Variants in BRWD1 observed in about 807,000 individuals in gnomAD.
BRWD1 encodes bromodomain and WD repeat domain containing 1, also known as bromodomain and WD repeat-containing protein 1.
A neutral mutation model predicts 251.2 loss-of-function variants in BRWD1; 82 were observed. That is an observed-to-expected ratio of 0.33 (90% confidence interval 0.27 to 0.39). The LOEUF (loss-of-function observed/expected upper bound fraction) is 0.39, where lower values mean the gene tolerates loss of function less well. Among genes scored for constraint, BRWD1 ranks in the 10% least tolerant of loss-of-function variants. The probability of loss-of-function intolerance (pLI) is 1.00; values close to 1 mark genes in which losing one functional copy is unlikely to be tolerated. For missense variants in BRWD1, 2,233 were observed against 2,711.6 expected, an observed-to-expected ratio of 0.82 and a Z score of 3.92; for synonymous variants, 918 against 902.8, an observed-to-expected ratio of 1.02 and a Z score of -0.30.
rs1489178363 is a variant in BRWD1 at position 39,296,091 on chromosome 21, A to T, written c.448+174T>A. 3.9e-5 allele frequency among the ~76,000 whole-genome samples: 6 copies of T among 152,150 alleles called. No individual in the cohort carries two copies. The East Asian group carries it at 1.2e-3, about 29-fold the overall frequency. On this transcript the variant is annotated intron_variant, in intron 6 of 40. Coordinates refer to ENST00000342449, the MANE Select transcript of BRWD1 (RefSeq NM_033656.4). The stretch of plus-strand genomic sequence containing the variant: ...ACTTCTTACTATAAAAAGATTTTTT[A>T]TTAATTTTATTTTTAGTAATTATTT...
intron 23 of BRWD1, among the ~76,000 whole-genome samples, chr21:39,233,880 C>T (rs1027514225): frequency 2.6e-5 from 4 of 152,090 alleles, no homozygotes; most frequent in East Asian, 1.9e-4. Context: ...ACTAACCGAG[C>T]GTGGTGGTGT....
At chr21:39,288,424 TCCC>T (rs923857187) in intron 8 of BRWD1, among the ~76,000 whole-genome samples, 27 of 152,188 alleles carry the variant, frequency 1.8e-4, no homozygotes, top group Non-Finnish European at 3.5e-4. Flanking sequence ...AAAGAGTACC[TCCC>T]CCAAGTTTTA....
chr21:39,315,423 A>G (rs557175855), upstream of BRWD1, among the ~76,000 whole-genome samples: 36 of 152,030 alleles, frequency 2.4e-4, no homozygotes, highest in Non-Finnish European at 4.4e-4. Context: ...TCACGAGGTC[A>G]GGAAATCAAG....
At chr21:39,286,475 AC>A (rs1383997610) in intron 8 of BRWD1, among the ~76,000 whole-genome samples, 1 of 152,128 alleles carries the variant, frequency 6.6e-6, no homozygotes, top group African/African-American at 2.4e-5. Flanking sequence ...TAAGTAGGCA[AC>A]CAAACTTCTG....
chr21:39,318,238 G>A (rs988664040), upstream of BRWD1, among the ~76,000 whole-genome samples: 4 of 152,108 alleles, frequency 2.6e-5, no homozygotes, highest in African/African-American at 9.7e-5. Context: ...AAGAAGTCTG[G>A]TTCCAACAAT....
chr21:39,193,490 A>C lies in BRWD1; in HGVS notation c.*2769T>G. 3 of 985,268 alleles carry C rather than the reference A, an allele frequency of 3.0e-6. No individual in the cohort carries two copies. The highest frequency in any genetic ancestry group is 3.6e-6 in the Non-Finnish European group (3 of 829,690). The allele number at this position is 985,268 out of a possible 1,614,324, so 61.0% of individuals were successfully genotyped here. ...ATGTTTGAAATCATTTTTCCTTTAT[A>C]TGCTTGGTAAAGTGAGTCTTTCCAA... is the stretch of plus-strand genomic sequence containing the variant. On this transcript the variant is annotated 3_prime_UTR_variant, in exon 41 of 41. Coordinates refer to ENST00000342449, the MANE Select transcript of BRWD1 (RefSeq NM_033656.4).
chr21:39,309,779 CG>C (rs2036411894), intron 4 of BRWD1, among the ~76,000 whole-genome samples: 1 of 144,842 alleles, frequency 6.9e-6, no homozygotes, highest in Non-Finnish European at 1.5e-5. Flanking sequence ...GAGCCGAGAT[CG>C]CACCGCTGCA....
In BRWD1 at chr21:39,279,652, AAAAAG is replaced by A. The variant is rs1230682487; in HGVS notation, c.932+491_932+495del. On this transcript the variant is annotated intron_variant, in intron 9 of 40. Transcript: ENST00000342449. ...AGACTCCATCTCAAAAAAAAAAAAA[AAAAAG>A]AAAAAAAAAAAGAAAACGAAAACAA... 2.5e-3 allele frequency among the ~76,000 whole-genome samples: 189 copies of A among 76,816 alleles called. 3 individuals are homozygous for A. The highest frequency in any genetic ancestry group is 8.9e-3 in the African/African-American group (176 of 19,668). The allele number at this position is 76,816 out of a possible 152,430, so 50.4% of individuals were successfully genotyped here. A position where few individuals can be genotyped will look rare whatever the true frequency, so the allele number is the denominator to read the frequency against.
At chr21:39,200,878 G>T (rs2032073508) in intron 38 of BRWD1, among the ~76,000 whole-genome samples, 1 of 152,094 alleles carries the variant, frequency 6.6e-6, no homozygotes, top group Non-Finnish European at 1.5e-5. Flanking sequence ...CAGCTACTGG[G>T]GAGGCTGAGG....
In BRWD1 at chr21:39,195,701, C is replaced by A. The variant is rs1568850981; in HGVS notation, c.*558G>T. 2.0e-6 allele frequency: 2 copies of A among 984,594 alleles called. No individual in the cohort carries two copies. The highest frequency in any genetic ancestry group is 2.4e-6 in the Non-Finnish European group (2 of 829,596). 61.0% of individuals were successfully genotyped at this position (984,594 alleles called of 1,614,324 possible). Reference sequence around the variant, plus strand: ...TAGAAACCATTTCAATGAAAGTGACCAGATCTGGTATAATGCATTCTACTC... The same window carrying A: ...TAGAAACCATTTCAATGAAAGTGACAAGATCTGGTATAATGCATTCTACTC... On this transcript the variant is annotated 3_prime_UTR_variant, in exon 41 of 41. Coordinates refer to ENST00000342449, the MANE Select transcript of BRWD1 (RefSeq NM_033656.4).
rs73357842 is a variant in BRWD1 at position 39,204,571 on chromosome 21, G to A, written c.4364+1537C>T. 4.0e-3 allele frequency among the ~76,000 whole-genome samples: 602 copies of A among 152,116 alleles called. 6 individuals carry two copies. Among genetic ancestry groups the A allele is most frequent in the African/African-American group, 0.014 (589 of 41,482 alleles). ...AATACTGAGGTACATTGTATCAAGG[G>A]TACATTTTCCCTTACACAATCAAAT... On this transcript the variant is annotated intron_variant, in intron 37 of 40. Transcript: ENST00000342449.
intron 13 of BRWD1, among the ~76,000 whole-genome samples, chr21:39,270,990 T>G (rs2035078740): frequency 6.6e-6 from 1 of 152,210 alleles, no homozygotes; most frequent in Non-Finnish European, 1.5e-5. Flanking sequence ...ATGTTTTTCA[T>G]CCTTTATAAA....
At chr21:39,198,706 T>C in intron 40 of BRWD1, 57 bp downstream of exon 40, 2 of 1,454,802 alleles carry the variant, frequency 1.4e-6, no homozygotes, top group Non-Finnish European at 1.8e-6. Context: ...CCAATGTGTG[T>C]AAGAGAAAAG....
chr21:39,197,047 T>C lies in BRWD1; in HGVS notation c.6022A>G (p.Lys2008Glu), dbSNP rs200091292. ...PPDPDSEGST[K>E]VLSQALNGDS... is the part of the protein sequence containing the mutation. ...CCATTTAGAGCCTGACTAAGCACTT[T>C]TGTACTACCTTCGGAGTCAGGATCA... Residue 2008 changes from lysine to glutamate, a missense_variant, in exon 41 of 41, where the codon AAA becomes GAA. By Grantham distance (56) the Lys-to-Glu change is moderately conservative. Around this residue, in one of 12 missense-constraint regions of BRWD1, gnomAD observed 928 missense variants for 970.0 expected, o/e 0.96. Coordinates refer to ENST00000342449, the MANE Select transcript of BRWD1 (RefSeq NM_033656.4). 1.2e-5 allele frequency: 20 copies of C among 1,614,154 alleles called. No individual in the cohort carries two copies. Among genetic ancestry groups the C allele is most frequent in the Middle Eastern group, 1.6e-4 (1 of 6,062 alleles).
chr21:39,313,896 C>T (rs545993056), upstream of BRWD1: 1 of 321,932 alleles, frequency 3.1e-6, no homozygotes, highest in African/African-American at 2.3e-5. Flanking sequence ...GCTGCCCGGG[C>T]TTTGTGAGGC....
chr21:39,264,779 GAAATC>G (rs2034868356), intron 16 of BRWD1, 94 bp from the exon 17 acceptor site: 1 of 1,510,972 alleles, frequency 6.6e-7, no homozygotes, highest in Middle Eastern at 1.9e-4. Flanking sequence ...GAAAAACAAG[GAAATC>G]AAATCACTCA....
intron 8 of BRWD1, among the ~76,000 whole-genome samples, chr21:39,293,422 G>A (rs917365425): frequency 2.0e-5 from 3 of 151,714 alleles, no homozygotes; most frequent in African/African-American, 7.3e-5. Flanking sequence ...GAACCCAGGA[G>A]GCAGAGGTTG....
intron 12 of BRWD1, among the ~76,000 whole-genome samples, chr21:39,274,793 G>A (rs1368430051): frequency 6.6e-6 from 1 of 152,206 alleles, no homozygotes; most frequent in Non-Finnish European, 1.5e-5. Flanking sequence ...TGTAATCCCA[G>A]CACTTTGGGA....
At chr21:39,314,335 A>C (rs1439074093), upstream of BRWD1, 1 of 455,680 alleles carries the variant, frequency 2.2e-6, no homozygotes, top group African/African-American at 2.0e-5. Context: ...ATTACATAAA[A>C]TGCAGCGCTT....
Sources: allele counts gnomAD v4.1 joint callset (sites outside exome capture counted in the v4.1 genomes callset), GRCh38; gene constraint gnomAD v4.1.1; regional missense constraint gnomAD v4.1.1; transcripts MANE v1.5; gene names NCBI Gene and HGNC (gene_info 2026-07-23, HGNC 2026-07-21).